Variants in IGFN1 observed in about 807,000 individuals in gnomAD.
The protein encoded by IGFN1 is immunoglobulin like and fibronectin type III domain containing 1, also known as immunoglobulin-like and fibronectin type III domain-containing protein 1.
In IGFN1, 253 loss-of-function variants were observed where a neutral mutation model predicts 289.5. The observed-to-expected ratio is 0.87, with a 90% confidence interval of 0.79 to 0.97. IGFN1 has a LOEUF of 0.97. Ranked by LOEUF, IGFN1 falls within the 50% of genes least tolerant of loss-of-function variation. IGFN1 has a pLI of 0.00. For synonymous variants in IGFN1, 1,706 were observed against 1,788.5 expected, an observed-to-expected ratio of 0.95 and a Z score of 1.16; for missense variants, 4,470 against 4,686.1, an observed-to-expected ratio of 0.95 and a Z score of 1.35.
chr1:201,207,437 A>C lies in IGFN1; in HGVS notation c.2544A>C (p.Arg848Ser). The change falls in exon 12 of 24, where the codon AGA becomes AGC. Residue 848 changes from arginine (R) to serine (S), a missense_variant. Arg to Ser is a moderately radical substitution (Grantham distance 110). Coordinates refer to ENST00000335211, the MANE Select transcript of IGFN1 (RefSeq NM_001164586.2). ...GGGATGACACACCATCTAGCCTCAG[A>C]AAAACTGGGGCCCACCATGGGCCTG... is the stretch of plus-strand genomic sequence containing the variant. ...SPWDDTPSSL[R>S]KTGAHHGPGV... The C allele has an allele frequency of 6.5e-7, 1 of 1,528,918 alleles. No individual in the cohort carries two copies. 94.7% of individuals were successfully genotyped at this position (1,528,918 alleles called of 1,614,324 possible).
rs549801797 is a variant in IGFN1, at chr1:201,207,251, T to C, written c.2358T>C (p.Gly786=). The change falls in exon 12 of 24, where the codon GGT becomes GGC. Residue 786 remains glycine (G), a synonymous_variant. Transcript: ENST00000335211. ...GGPGDPRGCE[G]VLQELRGRDG... is the part of the protein sequence containing the mutation. ...CAGGAGACCCCAGAGGCTGCGAAGG[T>C]GTCCTACAGGAGCTCAGGGGAAGGG... 35 of 1,536,562 alleles carry C rather than the reference T, an allele frequency of 2.3e-5. No individual in the cohort carries two copies. The East Asian group carries it at 7.3e-4, about 32-fold the overall frequency.
In IGFN1 at chr1:201,227,179, C is replaced by T. The variant is rs543665080; in HGVS notation, c.11084C>T (p.Ala3695Val). ...KAVAENTLGQ[A>V]VSTATLIVIE... ...GTGGCTGAGAACACGCTGGGCCAGG[C>T]AGTCAGCACTGCCACCCTCATTGTC... The change falls in exon 23 of 24, where the codon GCA (alanine) becomes GTA (valine). Residue 3695 changes from alanine to valine, a missense_variant. Transcript: ENST00000335211. 2.9e-5 allele frequency: 47 copies of T among 1,605,756 alleles called. No individual in the cohort carries two copies. Among genetic ancestry groups the T allele is most frequent in the Non-Finnish European group, 3.7e-5 (44 of 1,176,414 alleles).
Position 201,205,369 on chromosome 1 carries a change from ACT to A in IGFN1, c.1189+18_1189+19del, listed in dbSNP as rs1667366868. The A allele has an allele frequency of 6.6e-7, 1 of 1,513,824 alleles. No homozygotes were observed. Among genetic ancestry groups the A allele is most frequent in the Non-Finnish European group, 8.9e-7 (1 of 1,124,760 alleles). 93.8% of individuals were successfully genotyped at this position (1,513,824 alleles called of 1,614,324 possible). On this transcript the variant is annotated intron_variant, in intron 11 of 23. Coordinates refer to ENST00000335211, the MANE Select transcript of IGFN1 (RefSeq NM_001164586.2). ...GGTGGTTGAAGGTGAGTGCTTCAAA[ACT>A]CTGTCTTTCTCTGCCTCCAGGGAAG...
intron 18 of IGFN1, among the ~76,000 whole-genome samples, chr1:201,221,156 CAGA>C (rs1332297784): frequency 1.3e-5 from 2 of 152,060 alleles, no homozygotes; most frequent in Non-Finnish European, 2.9e-5. Context: ...TCAGGAATTA[CAGA>C]AGGATAGTTA....
intron 10 of IGFN1, 87 bp from the exon 11 acceptor site, chr1:201,204,995 A>G: frequency 7.3e-7 from 1 of 1,368,410 alleles, no homozygotes; most frequent in Non-Finnish European, 9.9e-7. Flanking sequence ...GGTCTAAGCC[A>G]GGATTTCTGA....
rs1198870201 is a variant in IGFN1, at chr1:201,221,714, T to C, written c.10169T>C (p.Leu3390Pro). ...GGAGGCCAGAGCCAGCCCAGTGCCCTGGACACATTAGTGCAAGCCATGCCT... is the reference window on the plus strand; with the variant it reads ...GGAGGCCAGAGCCAGCCCAGTGCCCCGGACACATTAGTGCAAGCCATGCCT... The part of the protein sequence containing the change: ...NEGGQSQPSA[L>P]DTLVQAMPVT... Residue 3390 changes from leucine to proline, a missense_variant, in exon 19 of 24, where the codon CTG becomes CCG. Physicochemically the swap from Leu to Pro is moderately conservative, Grantham distance 98. Around this residue, in one of 8 missense-constraint regions of IGFN1, gnomAD observed 2,218 missense variants for 2,114.1 expected, o/e 1.05. Transcript: ENST00000335211. The C allele has an allele frequency of 5.6e-6, 9 of 1,607,736 alleles. No homozygotes were observed. The highest frequency in any genetic ancestry group is 7.7e-6 in the Non-Finnish European group (9 of 1,176,436).
Position 201,213,421 on chromosome 1 carries a change from G to T in IGFN1, c.8528G>T (p.Trp2843Leu). 1 of 1,614,080 alleles carries T rather than the reference G, an allele frequency of 6.2e-7. No homozygotes were observed. Among genetic ancestry groups the T allele is most frequent in the Admixed American group, 1.7e-5 (1 of 60,014 alleles). ...RGADEAGSMG[W>L]QPMGENWGCL... ...GCAGACGAGGCTGGAAGCATGGGGT[G>T]GCAGCCTATGGGAGAGAACTGGGGG... is the stretch of plus-strand genomic sequence containing the variant. Residue 2843 changes from tryptophan (W) to leucine (L), a missense_variant, in exon 12 of 24, where the codon TGG (tryptophan) becomes TTG (leucine). Transcript: ENST00000335211.
chr1:201,193,972 A>C (rs1212903735), intron 2 of IGFN1, among the ~76,000 whole-genome samples, 182 bp from the exon 3 acceptor site: 3 of 152,006 alleles, frequency 2.0e-5, no homozygotes, highest in African/African-American at 7.2e-5. Context: ...CCAGATTCCC[A>C]CTAGAGAATT....
chr1:201,210,595 G>C lies in IGFN1; in HGVS notation c.5702G>C (p.Gly1901Ala). 1 of 1,410,156 alleles carries C rather than the reference G, an allele frequency of 7.1e-7. No homozygotes were observed. Among genetic ancestry groups the C allele is most frequent in the South Asian group, 1.3e-5 (1 of 78,244 alleles). 87.4% of individuals were successfully genotyped at this position (1,410,156 alleles called of 1,614,324 possible). ...GATTTGTGGGCTCCTGAGGGAATAG[G>C]TTCAGGAAGTAAGGCAGGTTTTAGG... ...RKDLWAPEGI[G>A]SGSKAGFRDG... The change falls in exon 12 of 24, where the codon GGT (glycine) becomes GCT (alanine). Residue 1901 changes from glycine to alanine, a missense_variant. Gly to Ala is a moderately conservative substitution (Grantham distance 60, BLOSUM62 0). This residue lies in a region of IGFN1 where 33 missense variants were observed against 259.7 expected (regional missense o/e 0.13). Coordinates refer to ENST00000335211, the MANE Select transcript of IGFN1 (RefSeq NM_001164586.2).
intron 5 of IGFN1, 123 bp from the exon 6 acceptor site, chr1:201,199,211 G>A: frequency 1.2e-6 from 1 of 828,760 alleles, no homozygotes; most frequent in Non-Finnish European, 2.0e-6. Flanking sequence ...CCACGCCTTA[G>A]AGGACAGTGG....
chr1:201,216,187 G>A (rs974168539), intron 15 of IGFN1: 8 of 601,492 alleles, frequency 1.3e-5, no homozygotes, highest in South Asian at 1.9e-5. Flanking sequence ...ACCAGCCACC[G>A]GACGGTGGGG....
chr1:201,228,381 T>C lies in IGFN1; in HGVS notation c.11114-5T>C. 2 of 1,614,038 alleles carry C rather than the reference T, an allele frequency of 1.2e-6. No individual in the cohort carries two copies. The highest frequency in any genetic ancestry group is 1.7e-6 in the Non-Finnish European group (2 of 1,179,966). On this transcript the variant is annotated splice_region_variant and splice_polypyrimidine_tract_variant and intron_variant, in intron 23 of 23. Transcript: ENST00000335211. ...GAACCAACTGGAATATCCTGTGTCT[T>C]GCAGAACCCAGCACCTAGCCTCACC...
rs1654162715 is a variant in IGFN1 at position 201,227,149 on chromosome 1, A to G, written c.11054A>G (p.Lys3685Arg). 1 of 1,612,834 alleles carries G rather than the reference A, an allele frequency of 6.2e-7. No homozygotes were observed. ...SVSPKDSGEYKAVAENTLGQA... is the reference protein window; with the variant it reads ...SVSPKDSGEYRAVAENTLGQA... ...TCCCCGAAGGACAGCGGGGAGTACA[A>G]GGCTGTGGCTGAGAACACGCTGGGC... The change falls in exon 23 of 24, where the codon AAG becomes AGG. Residue 3685 changes from lysine to arginine, a missense_variant. Coordinates refer to ENST00000335211, the MANE Select transcript of IGFN1 (RefSeq NM_001164586.2).
At position 201,197,294 on chromosome 1, in the gene IGFN1, C is replaced by T. The variant is rs1276515687; in HGVS notation, c.344C>T (p.Ser115Leu). The change falls in exon 5 of 24, where the codon TCA becomes TTA. Residue 115 changes from serine (S) to leucine (L), a missense_variant. By Grantham distance (145) the Ser-to-Leu change is moderately radical. Transcript: ENST00000335211. ...AVNAYGEAAC[S>L]VRLTVIEVGF... The stretch of plus-strand genomic sequence containing the variant: ...AATGCGTACGGAGAGGCCGCTTGCT[C>T]AGTGAGACTCACTGTCATCGAAGGT... The T allele has an allele frequency of 6.4e-7, 1 of 1,550,926 alleles. No individual in the cohort carries two copies. Among genetic ancestry groups the T allele is most frequent in the Non-Finnish European group, 8.7e-7 (1 of 1,146,336 alleles).
intron 1 of IGFN1, among the ~76,000 whole-genome samples, chr1:201,191,180 G>A (rs1352573390): frequency 6.6e-6 from 1 of 152,194 alleles, no homozygotes. Flanking sequence ...TTGACTTTGG[G>A]TGTGATACGA....
Position 201,212,566 on chromosome 1 carries a change from C to T in IGFN1, c.7673C>T (p.Pro2558Leu). 6.5e-7 allele frequency: 1 copy of T among 1,549,776 alleles called. No homozygotes were observed. The highest frequency in any genetic ancestry group is 8.7e-7 in the Non-Finnish European group (1 of 1,146,606). Residue 2558 changes from proline to leucine, a missense_variant, in exon 12 of 24, where the codon CCA (proline) becomes CTA (leucine). By Grantham distance (98) the Pro-to-Leu change is moderately conservative (BLOSUM62 -3). Coordinates refer to ENST00000335211, the MANE Select transcript of IGFN1 (RefSeq NM_001164586.2). The part of the protein sequence containing the change: ...GYERDIWKAG[P>L]GMTDRGRVAG... ...GAACGGGACATCTGGAAAGCAGGCC[C>T]AGGAATGACAGACAGGGGTAGAGTT...
At chr1:201,217,655 T>C (rs1278213031) in intron 17 of IGFN1, among the ~76,000 whole-genome samples, 195 bp downstream of exon 17, 1 of 152,160 alleles carries the variant, frequency 6.6e-6, no homozygotes, top group African/African-American at 2.4e-5. Context: ...AGGTCGGGGA[T>C]GCTGCAAAAC....
rs139953646 is a variant in IGFN1 at position 201,224,035 on chromosome 1, T to G, written c.10291-644T>G. Among the ~76,000 whole-genome samples the G allele has an allele frequency of 1.4e-4, 21 of 152,328 alleles. No individual in the cohort carries two copies. In the East Asian group the frequency reaches 4.1e-3, roughly 29 times the overall value. Reference sequence around the variant, plus strand: ...TTAACGCCTTAAATTCTCAGAACAATCCTGTGAGGTCAGTTAGTGACTATC... The same window carrying G: ...TTAACGCCTTAAATTCTCAGAACAAGCCTGTGAGGTCAGTTAGTGACTATC... On this transcript the variant is annotated intron_variant, in intron 20 of 23. Coordinates refer to ENST00000335211, the MANE Select transcript of IGFN1 (RefSeq NM_001164586.2).
Position 201,209,483 on chromosome 1 carries a change from T to C in IGFN1, c.4590T>C (p.Tyr1530=), listed in dbSNP as rs951192746. 3.9e-6 allele frequency: 6 copies of C among 1,536,730 alleles called. No individual in the cohort carries two copies. The African/African-American group carries it at 5.5e-5, about 14-fold the overall frequency. Residue 1530 remains tyrosine, a synonymous_variant, in exon 12 of 24, where the codon TAT becomes TAC. Coordinates refer to ENST00000335211, the MANE Select transcript of IGFN1 (RefSeq NM_001164586.2). ...GEMGSVDKAG[Y]RKDLGASEAI... ...TGGGGTCTGTGGATAAGGCAGGCTATAGGAAGGATTTGGGGGCTTCTGAGG... is the reference window on the plus strand; with the variant it reads ...TGGGGTCTGTGGATAAGGCAGGCTACAGGAAGGATTTGGGGGCTTCTGAGG...
Sources: gnomAD v4.1 joint callset for allele counts (sites outside exome capture counted in the v4.1 genomes callset) on GRCh38, gnomAD v4.1.1 for gene constraint, gnomAD v4.1.1 regional missense constraint, MANE v1.5 for transcripts, NCBI Gene and HGNC (gene_info 2026-07-23, HGNC 2026-07-21) for gene names.